SNTG1: variants seen among roughly 807,000 people sequenced by gnomAD.
SNTG1 encodes the protein syntrophin gamma 1.
In SNTG1, 39 loss-of-function variants were observed where a neutral mutation model predicts 74.7. That is an observed-to-expected ratio of 0.52 (90% CI 0.40 to 0.68). SNTG1 has a LOEUF of 0.68. Among genes scored for constraint, SNTG1 ranks in the 30% least tolerant of loss-of-function variants. The probability of loss-of-function intolerance (pLI) is 0.00; values close to 1 mark genes in which losing one functional copy is unlikely to be tolerated. For synonymous variants in SNTG1, 254 were observed against 217.1 expected (o/e 1.17, Z -1.49); for missense variants, 685 against 609.5 (o/e 1.12, Z -1.30).
In SNTG1 at chr8:50,701,619, G is replaced by A. The variant is rs200892443; in HGVS notation, c.1039-2981G>A. On this transcript the variant is annotated intron_variant, in intron 15 of 18. Transcript: ENST00000642720. ...CTTCTTCTTCTTCTTCTTCTTCTTC[G>A]TGTTCCTCTTCCTCTTCTTCTTCCT... Among the ~76,000 whole-genome samples, 121 of 114,708 alleles carry A rather than the reference G, an allele frequency of 1.1e-3. 6 individuals carry two copies. Among genetic ancestry groups the A allele is most frequent in the Middle Eastern group, 8.5e-3 (2 of 234 alleles). 75.3% of individuals were successfully genotyped at this position (114,708 alleles called of 152,430 possible).
intron 1 of SNTG1, among the ~76,000 whole-genome samples, chr8:50,044,310 A>G (rs1242423834): frequency 6.6e-6 from 1 of 152,192 alleles, no homozygotes; most frequent in Non-Finnish European, 1.5e-5. Flanking sequence ...CAACCTTTTT[A>G]CCTAAGAGCA....
At chr8:50,002,490 G>A (rs1814833539) in intron 1 of SNTG1, among the ~76,000 whole-genome samples, 1 of 151,936 alleles carries the variant, frequency 6.6e-6, no homozygotes, top group Non-Finnish European at 1.5e-5. Context: ...AGTCATTTAA[G>A]GTCAACAATA....
intron 18 of SNTG1, among the ~76,000 whole-genome samples, chr8:50,792,080 A>ATT (rs33919155): frequency 2.0e-3 from 289 of 143,074 alleles, no homozygotes; most frequent in African/African-American, 6.6e-3. Context: ...GCTCTAGTTT[A>ATT]TTTTTTTTTT....
chr8:50,512,829 C>T (rs1310609579), intron 9 of SNTG1, among the ~76,000 whole-genome samples: 1 of 151,984 alleles, frequency 6.6e-6, no homozygotes, highest in Non-Finnish European at 1.5e-5. Flanking sequence ...AATTTTTTTT[C>T]AAGGTTTTTA....
chr8:50,143,694 G>A (rs2131484130), intron 1 of SNTG1, among the ~76,000 whole-genome samples: 1 of 152,172 alleles, frequency 6.6e-6, no homozygotes, highest in Middle Eastern at 3.4e-3. Context: ...TTACTGTTTG[G>A]GCGCATAACT....
At chr8:49,925,711 A>G (rs1310473349) in intron 1 of SNTG1, among the ~76,000 whole-genome samples, 1 of 152,154 alleles carries the variant, frequency 6.6e-6, no homozygotes, top group Non-Finnish European at 1.5e-5. Context: ...TTTGAGATCC[A>G]TTTTTTGCAC....
chr8:50,224,420 G>C (rs1426106115), intron 2 of SNTG1, among the ~76,000 whole-genome samples: 1 of 152,168 alleles, frequency 6.6e-6, no homozygotes, highest in East Asian at 1.9e-4. Context: ...TGGCTAATCT[G>C]TCATGCAGGA....
rs2095700581 is a variant in SNTG1 at position 50,794,701 on chromosome 8, T to C, written c.*1872T>C. ...TTCAGCTGTGGCAAGTGGTTCATTA[T>C]GGAACTTCTGCTTCCAACCAGAGCT... On this transcript the variant is annotated 3_prime_UTR_variant, in exon 19 of 19. Coordinates refer to ENST00000642720, the MANE Select transcript of SNTG1 (RefSeq NM_018967.5). 6.6e-6 allele frequency: 1 copy of C among 152,040 alleles called. No individual in the cohort carries two copies. The highest frequency in any genetic ancestry group is 6.6e-5 in the Admixed American group (1 of 15,222). The allele number at this position is 152,040 out of a possible 1,614,324, so 9.4% of individuals were successfully genotyped here.
intron 2 of SNTG1, among the ~76,000 whole-genome samples, chr8:50,220,783 T>C (rs2085025589): frequency 6.6e-6 from 1 of 152,252 alleles, no homozygotes; most frequent in South Asian, 2.1e-4. Context: ...CCTGCCAGCA[T>C]GGCAGCAACA....
intron 1 of SNTG1, among the ~76,000 whole-genome samples, chr8:49,934,317 A>G (rs1402734876): frequency 6.6e-6 from 1 of 151,754 alleles, no homozygotes; most frequent in South Asian, 2.1e-4. Context: ...CTATCTATCT[A>G]TCTATCTATC....
chr8:50,168,575 A>G (rs1344549290), intron 1 of SNTG1, among the ~76,000 whole-genome samples: 1 of 152,148 alleles, frequency 6.6e-6, no homozygotes, highest in African/African-American at 2.4e-5. Context: ...GTATATATAT[A>G]TGTATATATG....
chr8:50,174,063 C>A (rs2131668279), intron 2 of SNTG1, among the ~76,000 whole-genome samples: 1 of 152,302 alleles, frequency 6.6e-6, no homozygotes, highest in South Asian at 2.1e-4. Context: ...ATTGAGCTCC[C>A]ACTTACACAT....
chr8:50,559,940 C>T (rs542338152), intron 12 of SNTG1, among the ~76,000 whole-genome samples: 1 of 152,046 alleles, frequency 6.6e-6, no homozygotes, highest in African/African-American at 2.4e-5. Context: ...AACAGACAAC[C>T]TACAGAATGG....
At chr8:50,759,188 C>A (rs933543192) in intron 18 of SNTG1, among the ~76,000 whole-genome samples, 1 of 151,768 alleles carries the variant, frequency 6.6e-6, no homozygotes, top group Non-Finnish European at 1.5e-5. Context: ...TGTTTAAGTT[C>A]TTTGTAGATT....
At chr8:50,045,539 A>C (rs1208155442) in intron 1 of SNTG1, among the ~76,000 whole-genome samples, 1 of 152,120 alleles carries the variant, frequency 6.6e-6, no homozygotes, top group Non-Finnish European at 1.5e-5. Flanking sequence ...ATTCAACATA[A>C]GATTTAGGGG....
intron 15 of SNTG1, among the ~76,000 whole-genome samples, chr8:50,690,406 C>A (rs1292672403): frequency 1.3e-5 from 2 of 152,172 alleles, no homozygotes; most frequent in Non-Finnish European, 2.9e-5. Flanking sequence ...ATTCCCTCTA[C>A]ACACTGGTTT....
intron 1 of SNTG1, among the ~76,000 whole-genome samples, chr8:49,991,211 G>C (rs988954000): frequency 1.3e-5 from 2 of 152,098 alleles, no homozygotes; most frequent in African/African-American, 4.8e-5. Context: ...CTTTTTACCT[G>C]CCAGTTGCAA....
intron 9 of SNTG1, among the ~76,000 whole-genome samples, chr8:50,519,593 T>C (rs905475362): frequency 3.3e-5 from 5 of 152,156 alleles, no homozygotes; most frequent in African/African-American, 1.2e-4. Flanking sequence ...GCTGATAAGC[T>C]ACTTCGGCAG....
At chr8:50,612,334 G>A (rs960780230) in intron 13 of SNTG1, among the ~76,000 whole-genome samples, 1 of 151,998 alleles carries the variant, frequency 6.6e-6, no homozygotes, top group African/African-American at 2.4e-5. Context: ...TTTAGATCTA[G>A]TAGAATCCTT....
Sources: allele counts gnomAD v4.1 joint callset (sites outside exome capture counted in the v4.1 genomes callset), GRCh38; gene constraint gnomAD v4.1.1; transcripts MANE v1.5; gene names NCBI Gene and HGNC (gene_info 2026-07-23, HGNC 2026-07-21).